BTBD9: variants seen among roughly 807,000 people sequenced by gnomAD.
BTBD9 encodes the protein BTB domain containing 9.
In BTBD9, 49 loss-of-function variants were observed where a neutral mutation model predicts 64.3. The ratio of observed to expected loss-of-function variants is 0.76; its 90% CI spans 0.61 to 0.97. BTBD9 has a LOEUF of 0.97. BTBD9 is among the 50% of genes least tolerant of loss of function. BTBD9 has a pLI of 0.00. For synonymous variants in BTBD9, 260 were observed against 274.7 expected (o/e 0.95, Z 0.53); for missense variants, 598 against 762.1 (o/e 0.78, Z 2.53).
Position 38,188,540 on chromosome 6 carries a change from A to G in BTBD9, c.1641+3979T>C, listed in dbSNP as rs76806374. 2.0e-3 allele frequency among the ~76,000 whole-genome samples: 309 copies of G among 152,354 alleles called. 2 individuals carry two copies. The highest frequency in any genetic ancestry group is 7.1e-3 in the African/African-American group (297 of 41,592). Reference sequence around the variant, plus strand: ...ACACAGACAGACCTTTCCATGCCATAGACCAAATCCATCGATAGTTTTTGA... The same window carrying G: ...ACACAGACAGACCTTTCCATGCCATGGACCAAATCCATCGATAGTTTTTGA... On this transcript the variant is annotated intron_variant, in intron 10 of 10. Coordinates refer to ENST00000481247, the MANE Select transcript of BTBD9 (RefSeq NM_001099272.2).
At chr6:38,504,433 C>T (rs1772359877) in intron 6 of BTBD9, 1 of 381,146 alleles carries the variant, frequency 2.6e-6, no homozygotes, top group South Asian at 2.0e-5. Flanking sequence ...AATTTTCCTT[C>T]CTCCCTTTCC....
intron 6 of BTBD9, among the ~76,000 whole-genome samples, chr6:38,552,235 C>G (rs1253466806): frequency 6.6e-6 from 1 of 152,136 alleles, no homozygotes; most frequent in Non-Finnish European, 1.5e-5. Context: ...GCCAACAACA[C>G]AGTATAGAAA....
intron 6 of BTBD9, among the ~76,000 whole-genome samples, chr6:38,366,468 G>C (rs549847838): frequency 6.6e-6 from 1 of 152,180 alleles, no homozygotes; most frequent in Non-Finnish European, 1.5e-5. Flanking sequence ...GTTTCGAAAA[G>C]GAAAGCTGTC....
At chr6:38,554,956 T>C (rs1028023722) in intron 6 of BTBD9, among the ~76,000 whole-genome samples, 1 of 152,220 alleles carries the variant, frequency 6.6e-6, no homozygotes, top group Non-Finnish European at 1.5e-5. Flanking sequence ...GTATTCATCT[T>C]AGAGTGTGAG....
At chr6:38,208,256 T>C (rs1471777581) in intron 9 of BTBD9, among the ~76,000 whole-genome samples, 1 of 152,182 alleles carries the variant, frequency 6.6e-6, no homozygotes, top group Non-Finnish European at 1.5e-5. Flanking sequence ...TGAGTGAGCA[T>C]GGAGACTTGC....
chr6:38,308,914 C>A (rs1762726563), intron 7 of BTBD9, among the ~76,000 whole-genome samples: 1 of 151,470 alleles, frequency 6.6e-6, no homozygotes, highest in Non-Finnish European at 1.5e-5. Context: ...TGAGCCACTG[C>A]GCCTGGGCCA....
intron 1 of BTBD9, among the ~76,000 whole-genome samples, chr6:38,637,779 A>G (rs1164209640): frequency 6.6e-6 from 1 of 152,230 alleles, no homozygotes; most frequent in African/African-American, 2.4e-5. Flanking sequence ...AATCAAAAGT[A>G]TATTAACAAC....
intron 6 of BTBD9, among the ~76,000 whole-genome samples, chr6:38,528,943 C>T (rs990780494): frequency 6.6e-6 from 1 of 152,112 alleles, no homozygotes; most frequent in African/African-American, 2.4e-5. Context: ...AGCTTGGGTG[C>T]CAGGTTGGCC....
At chr6:38,558,745 A>G (rs1191737896) in intron 6 of BTBD9, among the ~76,000 whole-genome samples, 1 of 152,334 alleles carries the variant, frequency 6.6e-6, no homozygotes, top group African/African-American at 2.4e-5. Flanking sequence ...CTGCTTCATC[A>G]TGGGGAATTA....
chr6:38,566,089 T>A (rs1775481541), intron 6 of BTBD9: 1 of 152,148 alleles, frequency 6.6e-6, no homozygotes, highest in Non-Finnish European at 1.5e-5. Context: ...AAGGGGAAAG[T>A]AGATTTTATT....
chr6:38,565,965 G>A (rs1364175829), intron 6 of BTBD9: 1 of 152,196 alleles, frequency 6.6e-6, no homozygotes, highest in Non-Finnish European at 1.5e-5. Context: ...GTCTGAAGTA[G>A]TGAGTTATCT....
chr6:38,397,001 A>C (rs929330172), intron 6 of BTBD9, among the ~76,000 whole-genome samples: 2 of 145,932 alleles, frequency 1.4e-5, no homozygotes, highest in Non-Finnish European at 3.0e-5. Flanking sequence ...TCCTGGGTTC[A>C]AGTGATTCTC....
At chr6:38,490,540 G>A (rs548586255) in intron 6 of BTBD9, among the ~76,000 whole-genome samples, 4 of 151,952 alleles carry the variant, frequency 2.6e-5, no homozygotes, top group East Asian at 3.9e-4. Context: ...GGCTGATCTC[G>A]AACTCCTGAC....
chr6:38,393,124 C>T (rs4714155), intron 6 of BTBD9, among the ~76,000 whole-genome samples: 53,504 of 152,156 alleles, frequency 0.35, 11,246 homozygotes, highest in East Asian at 0.82. Flanking sequence ...GATCCGTCCA[C>T]CTCAGGTGAT....
At chr6:38,484,296 G>A (rs1216682972) in intron 6 of BTBD9, among the ~76,000 whole-genome samples, 1 of 152,146 alleles carries the variant, frequency 6.6e-6, no homozygotes. Flanking sequence ...TTTTTTAAAT[G>A]TCTAATGAGG....
At chr6:38,455,075 T>G (rs780860715) in intron 6 of BTBD9, among the ~76,000 whole-genome samples, 12 of 152,126 alleles carry the variant, frequency 7.9e-5, no homozygotes, top group Non-Finnish European at 1.2e-4. Context: ...TAAATAAATA[T>G]TTACTCAATA....
At position 38,184,590 on chromosome 6, in the gene BTBD9, G is replaced by A. The variant is rs758934969; in HGVS notation, c.1641+7929C>T. ...CCACAGAGCACAGAGAGCGCCCACTGGGGGTTCTGGCCCTGGGGCCAGCAT... is the reference window on the plus strand; with the variant it reads ...CCACAGAGCACAGAGAGCGCCCACTAGGGGTTCTGGCCCTGGGGCCAGCAT... On this transcript the variant is annotated intron_variant, in intron 10 of 10. Coordinates refer to ENST00000481247, the MANE Select transcript of BTBD9 (RefSeq NM_001099272.2). This position sits in a 1 kb window ranked among gnomAD's most constrained non-coding sequence, Gnocchi z 4.4. Among the ~76,000 whole-genome samples the A allele has an allele frequency of 6.6e-6, 1 of 152,086 alleles. No individual in the cohort carries two copies. The highest frequency in any genetic ancestry group is 1.5e-5 in the Non-Finnish European group (1 of 68,022).
chr6:38,347,178 C>T (rs145320705), intron 6 of BTBD9, among the ~76,000 whole-genome samples: 144 of 152,256 alleles, frequency 9.5e-4, no homozygotes, highest in African/African-American at 3.1e-3. Context: ...AGAAAATGTG[C>T]AACCCTCCCC....
chr6:38,530,322 G>T (rs1773733533), intron 6 of BTBD9, among the ~76,000 whole-genome samples: 1 of 152,146 alleles, frequency 6.6e-6, no homozygotes, highest in South Asian at 2.1e-4. Context: ...TCCCTCAGAA[G>T]CATGTGATCT....
Sources: allele counts gnomAD v4.1 joint callset (sites outside exome capture counted in the v4.1 genomes callset), GRCh38; gene constraint gnomAD v4.1.1; non-coding constraint Gnocchi (gnomAD v3.1); transcripts MANE v1.5; gene names NCBI Gene and HGNC (gene_info 2026-07-23, HGNC 2026-07-21).